Variants in GID4 observed in about 807,000 individuals in gnomAD.
The protein encoded by GID4 is GID complex subunit 4 homolog.
In GID4, 7 loss-of-function variants were observed where a neutral mutation model predicts 32.4. The observed-to-expected ratio is 0.22, with a 90% CI of 0.12 to 0.41. GID4 has a LOEUF of 0.41. Ranked by LOEUF, GID4 falls within the 10% of genes least tolerant of loss-of-function variation. The pLI, the probability that GID4 is intolerant of heterozygous loss-of-function variation, is 1.00. For missense variants in GID4, 309 were observed against 400.0 expected, an observed-to-expected ratio of 0.77 and a Z score of 1.94; for synonymous variants, 166 against 170.0, an observed-to-expected ratio of 0.98 and a Z score of 0.18.
chr17:18,051,232 C>T lies in GID4; in HGVS notation c.499-2895C>T, dbSNP rs887056469. On this transcript the variant is annotated intron_variant, in intron 2 of 5. Coordinates refer to ENST00000268719, the MANE Select transcript of GID4 (RefSeq NM_024052.5). ...TGTTGCCCAAGCTGATCTTGATCTC[C>T]TAGGCTCAAGTGATCCTCCTGTCTT... 3.3e-5 allele frequency among the ~76,000 whole-genome samples: 5 copies of T among 152,104 alleles called. No homozygotes were observed. The East Asian group carries it at 9.6e-4, about 29-fold the overall frequency.
intron 2 of GID4, among the ~76,000 whole-genome samples, chr17:18,051,179 T>C (rs1224800145): frequency 6.6e-6 from 1 of 152,162 alleles, no homozygotes; most frequent in African/African-American, 2.4e-5. Flanking sequence ...CCCCTCCCTT[T>C]TTTAAAAATA....
At chr17:18,064,766 G>C (rs1041724096) in intron 5 of GID4, among the ~76,000 whole-genome samples, 1 of 152,156 alleles carries the variant, frequency 6.6e-6, no homozygotes, top group Non-Finnish European at 1.5e-5. Flanking sequence ...GATACCATGA[G>C]AATCAGTTTA....
At position 18,047,144 on chromosome 17, in the gene GID4, A is replaced by G. The variant is rs375252665; in HGVS notation, c.498+1938A>G. ...AAGCTTAACTGATTAAGGATCTCCT[A>G]TGAAGTTTGTTGTTGAGACCAAAGG... On this transcript the variant is annotated intron_variant, in intron 2 of 5. Coordinates refer to ENST00000268719, the MANE Select transcript of GID4 (RefSeq NM_024052.5). 9.2e-5 allele frequency among the ~76,000 whole-genome samples: 14 copies of G among 152,212 alleles called. No homozygotes were observed. In the East Asian group the frequency reaches 9.6e-4, roughly 10 times the overall value.
At position 18,039,625 on chromosome 17, in the gene GID4, TCTCC is replaced by T. The variant is rs2044764334; in HGVS notation, c.167_170del (p.Leu56ProfsTer85). 3.3e-6 allele frequency: 3 copies of T among 896,568 alleles called. No individual in the cohort carries two copies. The highest frequency in any genetic ancestry group is 3.9e-6 in the Non-Finnish European group (3 of 769,768). 55.5% of individuals were successfully genotyped at this position (896,568 alleles called of 1,614,324 possible). ...CACCCCGCGCGTGCGCGCCCCGGCC[TCTCC>T]CTCCCCGCCACCCTCCTCGGCTCCC... is the stretch of plus-strand genomic sequence containing the variant. On this transcript the variant is annotated frameshift_variant, in exon 1 of 6. Transcript: ENST00000268719. LOFTEE classifies it high-confidence loss of function. This position sits in a 1 kb window ranked among gnomAD's most constrained non-coding sequence, Gnocchi z 5.3.
chr17:18,054,511 C>T (rs2044945627), intron 3 of GID4, among the ~76,000 whole-genome samples: 2 of 152,210 alleles, frequency 1.3e-5, no homozygotes, highest in East Asian at 3.9e-4. Context: ...TAACAGTGTC[C>T]CCCCATCCTT....
chr17:18,051,502 C>T (rs1340745497), intron 2 of GID4, among the ~76,000 whole-genome samples: 2 of 151,316 alleles, frequency 1.3e-5, no homozygotes, highest in Non-Finnish European at 2.9e-5. Context: ...GATGGTGAAA[C>T]CCGTCTCTAC....
chr17:18,047,965 A>G (rs1343673387), intron 2 of GID4, among the ~76,000 whole-genome samples: 4 of 151,674 alleles, frequency 2.6e-5, no homozygotes, highest in South Asian at 2.1e-4. Flanking sequence ...CAGTGGTGCA[A>G]TCTCGGCTCA....
rs1486771947 is a variant in GID4, at chr17:18,042,239, G to C, written c.438+2337G>C. Reference sequence around the variant, plus strand: ...AATAGTTTTTAGTATATTCACAGTTGTTTAACCACCACCACAACCTAATTT... The same window carrying C: ...AATAGTTTTTAGTATATTCACAGTTCTTTAACCACCACCACAACCTAATTT... On this transcript the variant is annotated intron_variant, in intron 1 of 5. Coordinates refer to ENST00000268719, the MANE Select transcript of GID4 (RefSeq NM_024052.5). Among the ~76,000 whole-genome samples the C allele has an allele frequency of 2.0e-5, 3 of 152,172 alleles. No homozygotes were observed. In the East Asian group the frequency reaches 5.8e-4, roughly 29 times the overall value.
chr17:18,039,556 G>A lies in GID4; in HGVS notation c.92G>A (p.Arg31His), dbSNP rs971226127. The A allele has an allele frequency of 7.7e-7, 1 of 1,304,812 alleles. No individual in the cohort carries two copies. Among genetic ancestry groups the A allele is most frequent in the Non-Finnish European group, 9.7e-7 (1 of 1,031,098 alleles). The allele number at this position is 1,304,812 out of a possible 1,614,324, so 80.8% of individuals were successfully genotyped here. The stretch of plus-strand genomic sequence containing the variant: ...CCTGGGTCCCGGTGGCGGCCGGAGC[G>A]CTTGCTCCGCAGGCAGCGGGCGGGT... Reference protein sequence around the residue: ...QVPGSRWRPERLLRRQRAGGR... With the variant: ...QVPGSRWRPEHLLRRQRAGGR... The change falls in exon 1 of 6, where the codon CGC (arginine) becomes CAC (histidine). Residue 31 changes from arginine to histidine, a missense_variant. Around this residue, in one of 2 missense-constraint regions of GID4, gnomAD observed 193 missense variants for 185.8 expected, o/e 1.04. Transcript: ENST00000268719. This position sits in a 1 kb window ranked among gnomAD's most constrained non-coding sequence, Gnocchi z 5.3.
chr17:18,057,579 G>A (rs1287107977), intron 3 of GID4: 1 of 153,468 alleles, frequency 6.5e-6, no homozygotes, highest in Non-Finnish European at 1.4e-5. Flanking sequence ...GGAGGAAAAG[G>A]AGTCATCTAT....
rs1400088889 is a variant in GID4 at position 18,039,682 on chromosome 17, T to TC, written c.224dup (p.Ala76SerfsTer87). On this transcript the variant is annotated frameshift_variant, in exon 1 of 6. Transcript: ENST00000268719. LOFTEE classifies it high-confidence loss of function. The surrounding 1 kb of genome is among the most constrained non-coding windows in gnomAD (Gnocchi z 5.3). ...GCGGCGGCGGCGGTTCCTCTCCCAC[T>TC]CCCCCCAGCCCTGGCTCCGGGGGAC... The TC allele has an allele frequency of 5.5e-6, 7 of 1,268,168 alleles. No individual in the cohort carries two copies. Among genetic ancestry groups the TC allele is most frequent in the South Asian group, 3.3e-5 (2 of 60,244 alleles). The allele number at this position is 1,268,168 out of a possible 1,614,324, so 78.6% of individuals were successfully genotyped here.
At chr17:18,051,657 A>G (rs1257216468) in intron 2 of GID4, among the ~76,000 whole-genome samples, 2 of 151,924 alleles carry the variant, frequency 1.3e-5, no homozygotes, top group Non-Finnish European at 2.9e-5. Flanking sequence ...CCTGGGCGAC[A>G]GAGCGAGACT....
rs569557366 is a variant in GID4 at position 18,065,443 on chromosome 17, G to A, written c.*200G>A. ...GGGGCAGGTGGAGGGAGCAGTCTTC[G>A]TTCTTCCTCCCCTCAGTGGCAGTTT... On this transcript the variant is annotated 3_prime_UTR_variant, in exon 6 of 6. Transcript: ENST00000268719. The A allele has an allele frequency of 3.4e-6, 2 of 591,862 alleles. No individual in the cohort carries two copies. Among genetic ancestry groups the A allele is most frequent in the South Asian group, 1.9e-5 (1 of 51,494 alleles). 36.7% of individuals were successfully genotyped at this position (591,862 alleles called of 1,614,324 possible). A position where few individuals can be genotyped will look rare whatever the true frequency, so the allele number is the denominator to read the frequency against.
chr17:18,056,746 C>A, intron 3 of GID4: 1 of 1,550,584 alleles, frequency 6.4e-7, no homozygotes. Flanking sequence ...CTAGACTGGA[C>A]TGAAACATTT....
At position 18,067,151 on chromosome 17, in the gene GID4, A is replaced by G. The variant is rs894616051; in HGVS notation, c.*1908A>G. The G allele has an allele frequency of 3.3e-5, 5 of 152,414 alleles. No individual in the cohort carries two copies. The highest frequency in any genetic ancestry group is 1.2e-4 in the African/African-American group (5 of 41,452). 9.4% of individuals were successfully genotyped at this position (152,414 alleles called of 1,614,324 possible). ...AGCTGATGGACAAGTGAAGGAGGCC[A>G]TGGGGCTGTGCTGTCCTTCCTGCCG... On this transcript the variant is annotated 3_prime_UTR_variant, in exon 6 of 6. Transcript: ENST00000268719.
intron 3 of GID4, among the ~76,000 whole-genome samples, chr17:18,055,246 T>C (rs2044954824): frequency 2.0e-5 from 3 of 152,188 alleles, no homozygotes; most frequent in Admixed American, 2.0e-4. Flanking sequence ...TGGTGAATTT[T>C]TGTTTAACAT....
At chr17:18,052,870 T>A (rs1263801160) in intron 2 of GID4, among the ~76,000 whole-genome samples, 1 of 152,164 alleles carries the variant, frequency 6.6e-6, no homozygotes, top group African/African-American at 2.4e-5. Flanking sequence ...TTTCCTCATA[T>A]AAGTTGTTCT....
intron 1 of GID4, among the ~76,000 whole-genome samples, chr17:18,043,271 G>A (rs552172180): frequency 3.3e-5 from 5 of 152,188 alleles, no homozygotes; most frequent in Non-Finnish European, 7.3e-5. Flanking sequence ...GTAGAGAGAC[G>A]CTTGGTTGAA....
chr17:18,064,884 A>C (rs1000242523), intron 5 of GID4, among the ~76,000 whole-genome samples: 1 of 152,176 alleles, frequency 6.6e-6, no homozygotes, highest in Admixed American at 6.6e-5. Flanking sequence ...GTGGGTCTCC[A>C]TCTTCTCCCA....
Sources: allele counts gnomAD v4.1 joint callset (sites outside exome capture counted in the v4.1 genomes callset), GRCh38; gene constraint gnomAD v4.1.1; regional missense constraint gnomAD v4.1.1; non-coding constraint Gnocchi (gnomAD v3.1); transcripts MANE v1.5; gene names NCBI Gene and HGNC (gene_info 2026-07-23, HGNC 2026-07-21).